The following INPPL1 variants were observed in gnomAD, a reference collection of about 807,000 sequenced individuals.
INPPL1 encodes the protein phosphatidylinositol 3,4,5-trisphosphate 5-phosphatase 2.
Under a neutral mutation model 139.3 loss-of-function variants are expected in INPPL1, and 91 were observed. The observed-to-expected ratio is 0.65, with a 90% CI of 0.55 to 0.78. The LOEUF is 0.78. INPPL1 is among the 30% of genes least tolerant of loss of function. The probability of loss-of-function intolerance (pLI) is 0.00; values close to 1 mark genes in which losing one functional copy is unlikely to be tolerated. For missense variants in INPPL1, 1,411 were observed against 1,665.6 expected (o/e 0.85, Z 2.66); for synonymous variants, 719 against 686.6 (o/e 1.05, Z -0.74).
At position 72,229,946 on chromosome 11, in the gene INPPL1, T is replaced by C; in HGVS notation, c.866T>C (p.Met289Thr). 1.2e-6 allele frequency: 2 copies of C among 1,613,902 alleles called. No individual in the cohort carries two copies. Among genetic ancestry groups the C allele is most frequent in the Non-Finnish European group, 1.7e-6 (2 of 1,179,812 alleles). Residue 289 changes from methionine to threonine, a missense_variant, in exon 8 of 28, where the codon ATG becomes ACG. Met to Thr is a moderately conservative substitution (Grantham distance 81, BLOSUM62 -1). Around this residue, in one of 5 missense-constraint regions of INPPL1, gnomAD observed 504 missense variants for 595.6 expected, o/e 0.85. Transcript: ENST00000298229. Reference sequence around the variant, plus strand: ...CAGGCCCTGAAGGCCCTACAGGACATGAGCTCCACAGCACCCCCAGCTCCG... The same window carrying C: ...CAGGCCCTGAAGGCCCTACAGGACACGAGCTCCACAGCACCCCCAGCTCCG... ...QKKALKALQD[M>T]SSTAPPAPQP...
In INPPL1 at chr11:72,237,104, C is replaced by G. The variant is rs774840284; in HGVS notation, c.2880-20C>G. The G allele has an allele frequency of 6.4e-7, 1 of 1,554,054 alleles. No individual in the cohort carries two copies. The highest frequency in any genetic ancestry group is 8.7e-7 in the Non-Finnish European group (1 of 1,147,882). ...CTGGGTTCCTGGATCCTGGCTTAGT[C>G]GTTCTGCTTCCACACCCAGGTTGAA... On this transcript the variant is annotated intron_variant, in intron 25 of 27. Transcript: ENST00000298229.
chr11:72,231,011 A>G lies in INPPL1; in HGVS notation c.1319A>G (p.Lys440Arg), dbSNP rs1948818908. 6.2e-7 allele frequency: 1 copy of G among 1,613,666 alleles called. No homozygotes were observed. Among genetic ancestry groups the G allele is most frequent in the South Asian group, 1.1e-5 (1 of 91,062 alleles). The change falls in exon 12 of 28, where the codon AAA becomes AGA. Residue 440 changes from lysine to arginine, a missense_variant. By Grantham distance (26) the Lys-to-Arg change is conservative. This residue lies in a region of INPPL1 where 504 missense variants were observed against 595.6 expected (regional missense o/e 0.85). Coordinates refer to ENST00000298229, the MANE Select transcript of INPPL1 (RefSeq NM_001567.4). ...TWNMGSVPPPKNVTSWFTSKG... is the reference protein window; with the variant it reads ...TWNMGSVPPPRNVTSWFTSKG... The stretch of plus-strand genomic sequence containing the variant: ...CCTCCAGGAAGTGTACCACCTCCAA[A>G]AAACGTGACATCCTGGTTCACATCG...
In INPPL1 at chr11:72,229,676, C is replaced by T; in HGVS notation, c.767C>T (p.Thr256Ile). 6.2e-7 allele frequency: 1 copy of T among 1,614,058 alleles called. No homozygotes were observed. The highest frequency in any genetic ancestry group is 8.5e-7 in the Non-Finnish European group (1 of 1,179,970). The change falls in exon 7 of 28, where the codon ACA becomes ATA. Residue 256 changes from threonine (T) to isoleucine (I), a missense_variant. By Grantham distance (89) the Thr-to-Ile change is moderately conservative. Coordinates refer to ENST00000298229, the MANE Select transcript of INPPL1 (RefSeq NM_001567.4). The stretch of plus-strand genomic sequence containing the variant: ...TCCTCCCCCCAGAACCTGCCACAGA[C>T]AGGGGAGCAGGAACTAGAGAGCCTG... Reference protein sequence around the residue: ...RLLQQQNLPQTGEQELESLVL... With the variant: ...RLLQQQNLPQIGEQELESLVL...
Position 72,225,034 on chromosome 11 carries a change from A to T in INPPL1, c.50A>T (p.Gln17Leu), listed in dbSNP as rs1948628587. Residue 17 changes from glutamine to leucine, a missense_variant, in exon 1 of 28, where the codon CAG becomes CTG. By Grantham distance (113) the Gln-to-Leu change is moderately radical. Around this residue, in one of 5 missense-constraint regions of INPPL1, gnomAD observed 504 missense variants for 595.6 expected, o/e 0.85. Transcript: ENST00000298229. Reference protein sequence around the residue: ...APGPGGALGSQAPSWYHRDLS... With the variant: ...APGPGGALGSLAPSWYHRDLS... ...GGCCCGGGGGGCGCCCTGGGCAGCC[A>T]GGCCCCCTCCTGGTACCACCGCGAC... is the stretch of plus-strand genomic sequence containing the variant. 25 of 1,225,706 alleles carry T rather than the reference A, an allele frequency of 2.0e-5. No homozygotes were observed. The highest frequency in any genetic ancestry group is 2.5e-5 in the Non-Finnish European group (25 of 984,728). The allele number at this position is 1,225,706 out of a possible 1,614,324, so 75.9% of individuals were successfully genotyped here.
In INPPL1 at chr11:72,235,231, C is replaced by A. The variant is rs766180847; in HGVS notation, c.2503+28C>A. ...GAGGGGTGAGGGGTGCTGAGGGGAACAGGAAGCCAGACAGGGCCCTAGATT... is the reference window on the plus strand; with the variant it reads ...GAGGGGTGAGGGGTGCTGAGGGGAAAAGGAAGCCAGACAGGGCCCTAGATT... On this transcript the variant is annotated intron_variant, in intron 22 of 27. Coordinates refer to ENST00000298229, the MANE Select transcript of INPPL1 (RefSeq NM_001567.4). The surrounding 1 kb of genome is among the most constrained non-coding windows in gnomAD (Gnocchi z 4.9). 6.2e-7 allele frequency: 1 copy of A among 1,613,808 alleles called. No homozygotes were observed. The highest frequency in any genetic ancestry group is 1.3e-5 in the African/African-American group (1 of 74,992).
chr11:72,230,953 C>T (rs1948816619), intron 11 of INPPL1, 40 bp from the exon 12 acceptor site: 1 of 1,611,220 alleles, frequency 6.2e-7, no homozygotes, highest in Non-Finnish European at 8.5e-7. Context: ...AGAGCAGGTG[C>T]CTAACCCCTC....
chr11:72,238,074 G>T lies in INPPL1; in HGVS notation c.3585G>T (p.Gly1195=), dbSNP rs139343461. Residue 1195 remains glycine, a synonymous_variant, in exon 27 of 28, where the codon GGG becomes GGT. Coordinates refer to ENST00000298229, the MANE Select transcript of INPPL1 (RefSeq NM_001567.4). ...APCLQGGRAS[G]LGEAGMSAWL... is the part of the protein sequence containing the mutation. ...GCCTGCAGGGCGGGCGGGCCAGCGG[G>T]CTGGGCGAGGCAGGCATGAGTGCCT... 1.1e-3 allele frequency: 1,766 copies of T among 1,571,614 alleles called. 8 individuals are homozygous for T. Among genetic ancestry groups the T allele is most frequent in the Middle Eastern group, 4.7e-3 (26 of 5,500 alleles).
intron 18 of INPPL1, 27 bp downstream of exon 18, chr11:72,233,549 G>A: frequency 6.2e-7 from 1 of 1,610,280 alleles, no homozygotes; most frequent in Non-Finnish European, 8.5e-7. Flanking sequence ...CAGAGTGATG[G>A]GAGATCTGGG....
chr11:72,237,921 G>A, intron 26 of INPPL1, 121 bp from the exon 27 acceptor site: 5 of 1,443,062 alleles, frequency 3.5e-6, no homozygotes, highest in Non-Finnish European at 4.6e-6. Flanking sequence ...CTGGGAAGTT[G>A]GGAGACACAT....
intron 13 of INPPL1, 45 bp from the exon 14 acceptor site, chr11:72,232,195 C>T (rs1223585087): frequency 4.2e-6 from 6 of 1,435,744 alleles, no homozygotes; most frequent in Admixed American, 2.0e-5. Context: ...AGTTGGGAGC[C>T]CTCTGAGGAT....
At chr11:72,229,322 C>T in intron 5 of INPPL1, 92 bp downstream of exon 5, 2 of 1,446,264 alleles carry the variant, frequency 1.4e-6, no homozygotes, top group Non-Finnish European at 1.9e-6. Flanking sequence ...GATCTCTGAT[C>T]CTGAACAGTG....
intron 25 of INPPL1, 48 bp downstream of exon 25, chr11:72,236,034 A>G: frequency 1.0e-6 from 1 of 971,472 alleles, no homozygotes. Context: ...ACCCACCTCT[A>G]TCCATCACTA....
Position 72,239,046 on chromosome 11 carries a change from C to T in INPPL1, c.*693C>T, listed in dbSNP as rs1338373842. ...CCCGGGACAGGGTCTTGCAAGCAGC[C>T]TCCTGGGCAGTCGTAAGGGTTGCGG... On this transcript the variant is annotated 3_prime_UTR_variant, in exon 28 of 28. Coordinates refer to ENST00000298229, the MANE Select transcript of INPPL1 (RefSeq NM_001567.4). The T allele has an allele frequency of 6.6e-6, 1 of 152,316 alleles. No homozygotes were observed. The highest frequency in any genetic ancestry group is 1.5e-5 in the Non-Finnish European group (1 of 68,090). The allele number at this position is 152,316 out of a possible 1,614,324, so 9.4% of individuals were successfully genotyped here.
Position 72,228,016 on chromosome 11 carries a change from G to A in INPPL1, c.183-174G>A. 1 of 661,352 alleles carries A rather than the reference G, an allele frequency of 1.5e-6. No individual in the cohort carries two copies. The highest frequency in any genetic ancestry group is 2.7e-6 in the Non-Finnish European group (1 of 369,028). 41.0% of individuals were successfully genotyped at this position (661,352 alleles called of 1,614,324 possible). A position where few individuals can be genotyped will look rare whatever the true frequency, so the allele number is the denominator to read the frequency against. ...CATTCCTGCCCAATAGGCAACACCA[G>A]GAGGGTGGAAGTGGACCGGCCACAT... On this transcript the variant is annotated intron_variant, in intron 1 of 27. Transcript: ENST00000298229. The surrounding 1 kb of genome is among the most constrained non-coding windows in gnomAD (Gnocchi z 5.0).
In INPPL1 at chr11:72,234,669, A is replaced by G. The variant is rs1280852023; in HGVS notation, c.2415+54A>G. On this transcript the variant is annotated intron_variant, in intron 21 of 27. Transcript: ENST00000298229. This position sits in a 1 kb window ranked among gnomAD's most constrained non-coding sequence, Gnocchi z 4.2. ...TGGGTGAGGGCACAGAGAGGGGTAC[A>G]TAAGAGTTTATTGGAGAGCCTGCCT... 4.6e-6 allele frequency: 6 copies of G among 1,308,422 alleles called. No individual in the cohort carries two copies. Among genetic ancestry groups the G allele is most frequent in the African/African-American group, 1.5e-5 (1 of 68,572 alleles). 81.1% of individuals were successfully genotyped at this position (1,308,422 alleles called of 1,614,324 possible). A position where few individuals can be genotyped will look rare whatever the true frequency, so the allele number is the denominator to read the frequency against.
rs776476271 is a variant in INPPL1 at position 72,235,375 on chromosome 11, G to A, written c.2583G>A (p.Glu861=). The change falls in exon 23 of 28, where the codon GAG becomes GAA. Residue 861 remains glutamate (E), a synonymous_variant. Coordinates refer to ENST00000298229, the MANE Select transcript of INPPL1 (RefSeq NM_001567.4). This position sits in a 1 kb window ranked among gnomAD's most constrained non-coding sequence, Gnocchi z 4.9. ...TGACCTTCCTATCCCACCGTGGCGA[G>A]GAGACAGGCAATATCAGAGGCTCCA... The part of the protein sequence containing the change: ...QFLTFLSHRG[E]ETGNIRGSMK... 1.9e-6 allele frequency: 3 copies of A among 1,614,112 alleles called. No individual in the cohort carries two copies. The highest frequency in any genetic ancestry group is 3.3e-5 in the Admixed American group (2 of 60,016).
At chr11:72,238,013 G>T in intron 26 of INPPL1, 29 bp from the exon 27 acceptor site, 1 of 1,516,858 alleles carries the variant, frequency 6.6e-7, no homozygotes, top group Non-Finnish European at 8.8e-7. Flanking sequence ...GGGGCACTCA[G>T]CTCCCCCTGA....
At chr11:72,229,329 A>C in intron 5 of INPPL1, 99 bp downstream of exon 5, 1 of 1,429,782 alleles carries the variant, frequency 7.0e-7, no homozygotes, top group Non-Finnish European at 9.7e-7. Context: ...GATCCTGAAC[A>C]GTGAACTAGC....
intron 13 of INPPL1, 46 bp downstream of exon 13, chr11:72,231,661 C>G: frequency 1.5e-6 from 2 of 1,340,050 alleles, no homozygotes; most frequent in East Asian, 4.6e-5. Context: ...GTCTCTCTGT[C>G]CATGGCTTCT....
Sources: gnomAD v4.1 joint callset for allele counts on GRCh38, gnomAD v4.1.1 for gene constraint, gnomAD v4.1.1 regional missense constraint, Gnocchi (gnomAD v3.1) non-coding constraint, MANE v1.5 for transcripts, NCBI Gene and HGNC (gene_info 2026-07-23, HGNC 2026-07-21) for gene names.